The following PI4K2A variants were observed in gnomAD, a reference collection of about 807,000 sequenced individuals.
The protein encoded by PI4K2A is phosphatidylinositol 4-kinase type 2 alpha, also known as phosphatidylinositol 4-kinase type 2-alpha.
A neutral mutation model predicts 55.0 loss-of-function variants in PI4K2A; 20 were observed. That is an observed-to-expected ratio of 0.36 (90% confidence interval 0.26 to 0.53). The LOEUF is 0.53. Among genes scored for constraint, PI4K2A ranks in the 20% least tolerant of loss-of-function variants. The pLI is 0.91. For missense variants in PI4K2A, 463 were observed against 637.1 expected (o/e 0.73, Z 2.94); for synonymous variants, 235 against 258.5 (o/e 0.91, Z 0.87).
intron 5 of PI4K2A, 142 bp downstream of exon 5, chr10:97,663,110 G>C (rs2041594008): frequency 1.6e-6 from 1 of 636,166 alleles, no homozygotes; most frequent in Admixed American, 2.5e-5. Context: ...TTAATATTTG[G>C]TAAAGTTTTT....
chr10:97,645,106 T>C (rs556059841), intron 1 of PI4K2A, among the ~76,000 whole-genome samples: 8 of 152,280 alleles, frequency 5.3e-5, no homozygotes, highest in Middle Eastern at 3.4e-3. Flanking sequence ...TTTTCTCTTT[T>C]GCGTGGAGTA....
chr10:97,642,928 T>TTCCTTCCTTCCTTCCTTCCTTC (rs1564772434), intron 1 of PI4K2A, among the ~76,000 whole-genome samples: 1 of 118,018 alleles, frequency 8.5e-6, no homozygotes, highest in Admixed American at 9.2e-5. Flanking sequence ...TTCCTTCCTT[T>TTCCTTCCTTCCTTCCTTCCTTC]CTTTCCTTTC....
chr10:97,643,490 A>C (rs552321144), intron 1 of PI4K2A, among the ~76,000 whole-genome samples: 1 of 152,292 alleles, frequency 6.6e-6, no homozygotes, highest in South Asian at 2.1e-4. Flanking sequence ...TCTTAATTCT[A>C]CCTGGCAGGT....
At chr10:97,664,729 C>T (rs187416320) in intron 5 of PI4K2A, among the ~76,000 whole-genome samples, 156 bp from the exon 6 acceptor site, 1 of 152,300 alleles carries the variant, frequency 6.6e-6, no homozygotes, top group Admixed American at 6.5e-5. Context: ...GTGCTAAGTT[C>T]AGATAACAAC....
intron 4 of PI4K2A, among the ~76,000 whole-genome samples, chr10:97,660,046 G>T (rs1379703227): frequency 2.8e-5 from 4 of 142,928 alleles, no homozygotes; most frequent in African/African-American, 7.9e-5. Flanking sequence ...CTGTCACCCA[G>T]GCTGGAGTGC....
chr10:97,651,868 A>G (rs1475925477), intron 2 of PI4K2A, among the ~76,000 whole-genome samples: 5 of 150,732 alleles, frequency 3.3e-5, no homozygotes, highest in East Asian at 2.0e-4. Context: ...AAGGTATTCC[A>G]TGAAACTCAC....
chr10:97,655,353 G>C (rs961563262), intron 2 of PI4K2A, among the ~76,000 whole-genome samples: 2 of 140,146 alleles, frequency 1.4e-5, no homozygotes, highest in Non-Finnish European at 3.0e-5. Context: ...CTGGGCAACA[G>C]AGTGAGACTC....
At chr10:97,659,148 C>T (rs2041569039) in intron 4 of PI4K2A, among the ~76,000 whole-genome samples, 1 of 152,188 alleles carries the variant, frequency 6.6e-6, no homozygotes, top group South Asian at 2.1e-4. Context: ...GATCTTCCTA[C>T]CTCTGCCACC....
chr10:97,666,345 T>C, intron 6 of PI4K2A, 93 bp from the exon 7 acceptor site: 1 of 1,131,766 alleles, frequency 8.8e-7, no homozygotes, highest in Non-Finnish European at 1.3e-6. Flanking sequence ...GGAAGAGGGG[T>C]TCTCCTTTAG....
intron 1 of PI4K2A, among the ~76,000 whole-genome samples, chr10:97,642,676 C>T (rs550953867): frequency 2.0e-5 from 3 of 151,926 alleles, no homozygotes; most frequent in East Asian, 3.9e-4. Context: ...GGCGTGCCAC[C>T]GCGCCCGGCC....
In PI4K2A at chr10:97,650,278, C is replaced by CTTTTTTTTTTTTTTTTT. The variant is rs71007356; in HGVS notation, c.436-647_436-646insTTTTTTTTTTTTTTTTT. On this transcript the variant is annotated intron_variant, in intron 1 of 8. Transcript: ENST00000370631. ...TCTACCACTGAATTGGCTTCTGTACCTTTTTTTTTTTTTTTTGTGAGACAG... is the reference window on the plus strand; with the variant it reads ...TCTACCACTGAATTGGCTTCTGTACCTTTTTTTTTTTTTTTTTTTTTTTTTTTTTTTTTGTGAGACAG... Among the ~76,000 whole-genome samples, 14 of 108,112 alleles carry CTTTTTTTTTTTTTTTTT rather than the reference C, an allele frequency of 1.3e-4. 1 individual carries two copies. The highest frequency in any genetic ancestry group is 1.8e-4 in the Non-Finnish European group (10 of 56,956). 70.9% of individuals were successfully genotyped at this position (108,112 alleles called of 152,430 possible).
chr10:97,642,390 T>C (rs1341789058), intron 1 of PI4K2A, among the ~76,000 whole-genome samples: 6 of 148,502 alleles, frequency 4.0e-5, no homozygotes, highest in Non-Finnish European at 9.0e-5. Context: ...TTTCGAAGTT[T>C]CTTTTTCTTT....
At chr10:97,642,173 GC>G (rs759675771) in intron 1 of PI4K2A, among the ~76,000 whole-genome samples, 19 of 152,118 alleles carry the variant, frequency 1.2e-4, no homozygotes, top group Non-Finnish European at 2.9e-5. Flanking sequence ...TCTTTAGATG[GC>G]CAGGGTGCTG....
Position 97,666,600 on chromosome 10 carries a change from T to C in PI4K2A, c.1218+29T>C, listed in dbSNP as rs188504938. The stretch of plus-strand genomic sequence containing the variant: ...AGCCCTGGGAACCTCAGCCCTATTA[T>C]CATATGGGAGAAGGAATTTTTAATG... On this transcript the variant is annotated intron_variant, in intron 7 of 8. Transcript: ENST00000370631. 2.1e-3 allele frequency: 3,293 copies of C among 1,566,984 alleles called. 2 individuals are homozygous for C. The highest frequency in any genetic ancestry group is 2.7e-3 in the Non-Finnish European group (3,091 of 1,158,582).
intron 1 of PI4K2A, among the ~76,000 whole-genome samples, chr10:97,649,609 ATTTT>A (rs60329004): frequency 2.8e-5 from 2 of 70,502 alleles, no homozygotes; most frequent in African/African-American, 8.0e-5. Context: ...TCCATAATAG[ATTTT>A]TTTTTTTTTT....
At chr10:97,650,100 A>G (rs1370859407) in intron 1 of PI4K2A, among the ~76,000 whole-genome samples, 2 of 152,264 alleles carry the variant, frequency 1.3e-5, no homozygotes, top group African/African-American at 4.8e-5. Context: ...GCATGCAAAA[A>G]AAGAGAACAT....
chr10:97,658,590 T>C (rs2135757296), intron 4 of PI4K2A, among the ~76,000 whole-genome samples: 1 of 152,362 alleles, frequency 6.6e-6, no homozygotes, highest in East Asian at 1.9e-4. Flanking sequence ...GTAATTCTAT[T>C]TTTAATTTTT....
chr10:97,646,754 G>A (rs1038604567), intron 1 of PI4K2A, among the ~76,000 whole-genome samples: 8 of 151,984 alleles, frequency 5.3e-5, no homozygotes, highest in African/African-American at 1.9e-4. Context: ...ACCCCGCTGG[G>A]TTCCAGGTTC....
intron 1 of PI4K2A, 53 bp from the exon 2 acceptor site, chr10:97,650,888 G>A: frequency 7.6e-7 from 1 of 1,314,032 alleles, no homozygotes; most frequent in Non-Finnish European, 1.1e-6. Context: ...TTGGTCTGTG[G>A]GCTATTTTGG....
Sources: gnomAD v4.1 joint callset for allele counts (sites outside exome capture counted in the v4.1 genomes callset) on GRCh38, gnomAD v4.1.1 for gene constraint, MANE v1.5 for transcripts, NCBI Gene and HGNC (gene_info 2026-07-23, HGNC 2026-07-21) for gene names.